TAFA1: variants seen among roughly 807,000 people sequenced by gnomAD.
TAFA1 encodes the protein TAFA chemokine like family member 1.
Under a neutral mutation model 18.5 loss-of-function variants are expected in TAFA1, and 4 were observed. The observed-to-expected ratio is 0.22, with a 90% CI of 0.11 to 0.49. The LOEUF is 0.49. TAFA1 is among the 20% of genes least tolerant of loss of function. The pLI, the probability that TAFA1 is intolerant of heterozygous loss-of-function variation, is 0.98. For synonymous variants in TAFA1, 56 were observed against 55.2 expected (o/e 1.01, Z -0.06); for missense variants, 147 against 169.0 (o/e 0.87, Z 0.72).
intron 2 of TAFA1, among the ~76,000 whole-genome samples, chr3:68,021,694 A>G (rs1704693614): frequency 6.6e-6 from 1 of 152,230 alleles, no homozygotes; most frequent in Non-Finnish European, 1.5e-5. Context: ...TCTAGCAAGA[A>G]AGAAAAGAAG....
chr3:68,448,247 A>C (rs2071505625), intron 3 of TAFA1, among the ~76,000 whole-genome samples: 1 of 152,216 alleles, frequency 6.6e-6, no homozygotes, highest in South Asian at 2.1e-4. Context: ...AATGTTTTTG[A>C]ATGCATAAAG....
chr3:68,390,994 T>C (rs114954203), intron 2 of TAFA1, among the ~76,000 whole-genome samples: 3,773 of 152,168 alleles, frequency 0.025, 69 homozygotes, highest in East Asian at 0.092. Context: ...GGAACAAAAC[T>C]GGACTGAGAA....
intron 2 of TAFA1, among the ~76,000 whole-genome samples, chr3:68,374,761 T>C (rs2069775091): frequency 6.6e-6 from 1 of 152,210 alleles, no homozygotes; most frequent in African/African-American, 2.4e-5. Flanking sequence ...TGCTGTTAAG[T>C]TACTTTTTAT....
intron 2 of TAFA1, among the ~76,000 whole-genome samples, chr3:68,400,635 C>T (rs992924301): frequency 6.6e-6 from 1 of 152,134 alleles, no homozygotes; most frequent in African/African-American, 2.4e-5. Context: ...AGAGACAAAT[C>T]TGTTTTTATA....
chr3:68,148,740 C>A (rs1281316804), intron 2 of TAFA1, among the ~76,000 whole-genome samples: 2 of 152,198 alleles, frequency 1.3e-5, no homozygotes, highest in Non-Finnish European at 2.9e-5. Flanking sequence ...GCTCAGCCTT[C>A]TTTGGGGAGG....
At chr3:68,184,127 C>A (rs550564270) in intron 2 of TAFA1, among the ~76,000 whole-genome samples, 1 of 152,236 alleles carries the variant, frequency 6.6e-6, no homozygotes, top group South Asian at 2.1e-4. Context: ...CAGAGAGGAA[C>A]TGGACATCAA....
intron 2 of TAFA1, among the ~76,000 whole-genome samples, chr3:68,238,183 C>A (rs1044454652): frequency 6.6e-6 from 1 of 152,034 alleles, no homozygotes; most frequent in Non-Finnish European, 1.5e-5. Flanking sequence ...GAGACACAGC[C>A]CTTCAACTGG....
At chr3:68,436,224 G>A (rs989670028) in intron 3 of TAFA1, among the ~76,000 whole-genome samples, 3 of 152,168 alleles carry the variant, frequency 2.0e-5, no homozygotes, top group East Asian at 1.9e-4. Flanking sequence ...CAGATAAAGT[G>A]TAATGTAGAC....
chr3:68,515,501 G>A (rs956485119), intron 3 of TAFA1, among the ~76,000 whole-genome samples: 10 of 152,188 alleles, frequency 6.6e-5, no homozygotes, highest in Non-Finnish European at 1.3e-4. Context: ...ACACCGTAGG[G>A]AGAGTAGCTC....
chr3:68,108,161 G>C (rs1035704404), intron 2 of TAFA1, among the ~76,000 whole-genome samples: 12 of 152,086 alleles, frequency 7.9e-5, no homozygotes, highest in Admixed American at 7.9e-4. Flanking sequence ...TGAGAGAGAT[G>C]TGTCAAATGG....
At chr3:68,015,724 C>T (rs1704557546) in intron 2 of TAFA1, among the ~76,000 whole-genome samples, 1 of 152,184 alleles carries the variant, frequency 6.6e-6, no homozygotes, top group Admixed American at 6.5e-5. Context: ...ATCTAGTCTG[C>T]AGCCCACTAG....
chr3:68,391,921 A>G (rs761964833), intron 2 of TAFA1, among the ~76,000 whole-genome samples: 34 of 152,214 alleles, frequency 2.2e-4, no homozygotes, highest in Non-Finnish European at 4.1e-4. Flanking sequence ...AAATGTAAAG[A>G]CCATCAACAC....
chr3:68,284,851 T>C (rs2067966687), intron 2 of TAFA1, among the ~76,000 whole-genome samples: 3 of 152,202 alleles, frequency 2.0e-5, no homozygotes, highest in Admixed American at 6.5e-5. Flanking sequence ...AGTAGGAGGA[T>C]TGCTGAAGCC....
At chr3:68,150,154 C>G (rs981729311) in intron 2 of TAFA1, among the ~76,000 whole-genome samples, 7 of 152,162 alleles carry the variant, frequency 4.6e-5, no homozygotes, top group Non-Finnish European at 1.0e-4. Context: ...GTTTTGTAAA[C>G]ACATGCAGCT....
chr3:68,167,831 TTGCATCAC>T (rs2066003143), intron 2 of TAFA1, among the ~76,000 whole-genome samples: 1 of 152,006 alleles, frequency 6.6e-6, no homozygotes, highest in East Asian at 1.9e-4. Flanking sequence ...TGAGCCCAGA[TTGCATCAC>T]TGTACTCCAG....
chr3:68,223,648 T>G (rs112090051), intron 2 of TAFA1, among the ~76,000 whole-genome samples: 5 of 152,180 alleles, frequency 3.3e-5, no homozygotes, highest in African/African-American at 1.2e-4. Flanking sequence ...GCCTTGGAAG[T>G]CAAACACTTA....
At position 68,264,704 on chromosome 3, in the gene TAFA1, A is replaced by AGAAAG. The variant is rs1351968463; in HGVS notation, c.119-152576_119-152575insGAAAG. ...CAATGAAAGTCTTTATAGAAAGTAT[A>AGAAAG]TATAGATAATTTCTATAAAGAAATT... On this transcript the variant is annotated intron_variant, in intron 2 of 4. Transcript: ENST00000478136. Among the ~76,000 whole-genome samples, 155 of 105,036 alleles carry AGAAAG rather than the reference A, an allele frequency of 1.5e-3. 2 individuals carry two copies. Among genetic ancestry groups the AGAAAG allele is most frequent in the African/African-American group, 6.9e-3 (149 of 21,668 alleles). The allele number at this position is 105,036 out of a possible 152,430, so 68.9% of individuals were successfully genotyped here. A position where few individuals can be genotyped will look rare whatever the true frequency, so the allele number is the denominator to read the frequency against.
chr3:68,456,472 T>C (rs2071668634), intron 3 of TAFA1, among the ~76,000 whole-genome samples: 1 of 152,160 alleles, frequency 6.6e-6, no homozygotes, highest in South Asian at 2.1e-4. Context: ...TGCGGCCTCT[T>C]GGTTAGCAGA....
intron 2 of TAFA1, chr3:68,192,255 G>T (rs1271954574): frequency 6.6e-6 from 1 of 151,810 alleles, no homozygotes; most frequent in East Asian, 1.9e-4. Flanking sequence ...TATGATAAAT[G>T]AGGTCTTTTC....
Sources: allele counts gnomAD v4.1 joint callset (sites outside exome capture counted in the v4.1 genomes callset), GRCh38; gene constraint gnomAD v4.1.1; transcripts MANE v1.5; gene names NCBI Gene and HGNC (gene_info 2026-07-23, HGNC 2026-07-21).